The following CAP2 variants were observed in gnomAD, a reference collection of about 807,000 sequenced individuals.
The protein encoded by CAP2 is adenylyl cyclase-associated protein 2.
Under a neutral mutation model 57.7 loss-of-function variants are expected in CAP2, and 24 were observed. That is an observed-to-expected ratio of 0.42 (90% CI 0.30 to 0.58). The LOEUF is 0.58. Ranked by LOEUF, CAP2 falls within the 20% of genes least tolerant of loss-of-function variation. The pLI is 0.22. For missense variants in CAP2, 501 were observed against 590.3 expected (o/e 0.85, Z 1.57); for synonymous variants, 194 against 207.2 (o/e 0.94, Z 0.55).
chr6:17,463,138 A>G lies in CAP2; in HGVS notation c.300+65A>G. 2.7e-6 allele frequency: 3 copies of G among 1,113,428 alleles called. 1 individual carries two copies. The highest frequency in any genetic ancestry group is 4.1e-6 in the Non-Finnish European group (3 of 731,744). The allele number at this position is 1,113,428 out of a possible 1,614,324, so 69.0% of individuals were successfully genotyped here. The stretch of plus-strand genomic sequence containing the variant: ...GCGCAGTGTAAGATGGAAAACAAGG[A>G]GGCAACAGAAGCATTTATTATAGTC... On this transcript the variant is annotated intron_variant, in intron 4 of 12. Coordinates refer to ENST00000229922, the MANE Select transcript of CAP2 (RefSeq NM_006366.3).
chr6:17,515,196 C>CAA (rs1369925215), intron 7 of CAP2, among the ~76,000 whole-genome samples: 7 of 98,292 alleles, frequency 7.1e-5, no homozygotes, highest in African/African-American at 2.0e-4. Flanking sequence ...GACTCTGTCT[C>CAA]AAAAAAAAAA....
chr6:17,487,626 C>T (rs747096610), intron 4 of CAP2, among the ~76,000 whole-genome samples: 3 of 152,160 alleles, frequency 2.0e-5, no homozygotes, highest in Non-Finnish European at 4.4e-5. Context: ...CCCGCCACCA[C>T]GCCCGGCTAA....
At chr6:17,424,051 TACG>T (rs1759514379) in intron 2 of CAP2, among the ~76,000 whole-genome samples, 2 of 152,196 alleles carry the variant, frequency 1.3e-5, no homozygotes, top group African/African-American at 4.8e-5. Flanking sequence ...TAAACATCAT[TACG>T]ACAATGTTAT....
intron 2 of CAP2, among the ~76,000 whole-genome samples, chr6:17,423,121 T>TG (rs1759490205): frequency 6.6e-6 from 1 of 152,164 alleles, no homozygotes; most frequent in South Asian, 2.1e-4. Context: ...AGAAAAGCCG[T>TG]GGGGAAGAAG....
chr6:17,493,767 G>A (rs1395802721), intron 4 of CAP2, among the ~76,000 whole-genome samples: 1 of 144,278 alleles, frequency 6.9e-6, no homozygotes, highest in Non-Finnish European at 1.5e-5. Flanking sequence ...ACTGAGCTGA[G>A]GAGGGGGCAA....
intron 4 of CAP2, among the ~76,000 whole-genome samples, chr6:17,489,872 A>G (rs1375990263): frequency 6.6e-6 from 1 of 151,846 alleles, no homozygotes; most frequent in African/African-American, 2.4e-5. Flanking sequence ...CCAGATCTTG[A>G]GTTCTCCACT....
intron 8 of CAP2, among the ~76,000 whole-genome samples, chr6:17,539,792 A>T: frequency 6.6e-6 from 1 of 152,168 alleles, no homozygotes; most frequent in East Asian, 1.9e-4. Flanking sequence ...AAAAATAAAA[A>T]TGGCAGGCTG....
intron 7 of CAP2, chr6:17,536,112 C>T (rs945309014): frequency 4.3e-5 from 19 of 437,334 alleles, no homozygotes; most frequent in South Asian, 1.2e-4. Flanking sequence ...TGTGAGCCTC[C>T]GCGCCCAGCC....
At chr6:17,495,547 T>C (rs1192636532) in intron 4 of CAP2, among the ~76,000 whole-genome samples, 1 of 152,120 alleles carries the variant, frequency 6.6e-6, no homozygotes, top group Non-Finnish European at 1.5e-5. Context: ...TTGGGGTCAA[T>C]GTCAAAATCC....
intron 3 of CAP2, among the ~76,000 whole-genome samples, chr6:17,447,310 G>A (rs377501781): frequency 6.6e-6 from 1 of 152,064 alleles, no homozygotes; most frequent in Non-Finnish European, 1.5e-5. Context: ...TTGAGCCATC[G>A]TGACTGGCCC....
intron 7 of CAP2, among the ~76,000 whole-genome samples, chr6:17,537,295 T>C (rs1037056158): frequency 1.3e-5 from 2 of 152,074 alleles, no homozygotes; most frequent in Non-Finnish European, 2.9e-5. Context: ...TAGGTGATCC[T>C]CCCACCTCAG....
intron 1 of CAP2, among the ~76,000 whole-genome samples, chr6:17,400,459 G>A (rs1758781157): frequency 6.6e-6 from 1 of 152,186 alleles, no homozygotes; most frequent in Non-Finnish European, 1.5e-5. Flanking sequence ...AAGGAAGATA[G>A]AATGAATAGA....
chr6:17,410,026 T>C (rs1280077126), intron 1 of CAP2, among the ~76,000 whole-genome samples: 1 of 152,238 alleles, frequency 6.6e-6, no homozygotes, highest in Non-Finnish European at 1.5e-5. Flanking sequence ...CAATATTTAC[T>C]CGTCATTCAT....
chr6:17,421,614 C>T lies in CAP2; in HGVS notation c.59C>T (p.Ser20Leu), dbSNP rs764904918. The T allele has an allele frequency of 1.1e-5, 18 of 1,613,876 alleles. No individual in the cohort carries two copies. The South Asian group carries it at 1.4e-4, about 13-fold the overall frequency. Residue 20 changes from serine (S) to leucine (L), a missense_variant, in exon 2 of 13, where the codon TCG (serine) becomes TTG (leucine). Physicochemically the swap from Ser to Leu is moderately radical, Grantham distance 145. Transcript: ENST00000229922. ...RLERAVSRLE[S>L]LSAESHRPPG... is the part of the protein sequence containing the mutation. Reference sequence around the variant, plus strand: ...GAACGAGCTGTCAGCCGCCTGGAGTCGCTGTCTGCAGAGTCCCACAGGCCC... The same window carrying T: ...GAACGAGCTGTCAGCCGCCTGGAGTTGCTGTCTGCAGAGTCCCACAGGCCC...
chr6:17,482,553 C>G (rs1761319710), intron 4 of CAP2, among the ~76,000 whole-genome samples: 1 of 147,022 alleles, frequency 6.8e-6, no homozygotes, highest in Non-Finnish European at 1.5e-5. Context: ...TAGGCATGGG[C>G]AAGGCCACGC....
intron 7 of CAP2, 132 bp from the exon 8 acceptor site, chr6:17,539,137 T>C (rs1762841045): frequency 1.3e-6 from 1 of 756,808 alleles, no homozygotes; most frequent in East Asian, 2.5e-5. Flanking sequence ...TGCACAGGTG[T>C]GCCCTCTGGG....
At chr6:17,451,013 AT>A (rs1217173147) in intron 3 of CAP2, among the ~76,000 whole-genome samples, 1 of 152,096 alleles carries the variant, frequency 6.6e-6, no homozygotes, top group Non-Finnish European at 1.5e-5. Context: ...GGAGTGTGAC[AT>A]TACTGCTTCC....
At position 17,513,929 on chromosome 6, in the gene CAP2, C is replaced by T. The variant is rs1487079775; in HGVS notation, c.611C>T (p.Thr204Ile). ...ELQAYIKEHH[T>I]TGLTWSKTGP... ...CAAGCATACATCAAGGAACACCACA[C>T]CACGGGCCTCACATGGAGCAAAACA... is the stretch of plus-strand genomic sequence containing the variant. Residue 204 changes from threonine to isoleucine, a missense_variant, in exon 7 of 13, where the codon ACC becomes ATC. Coordinates refer to ENST00000229922, the MANE Select transcript of CAP2 (RefSeq NM_006366.3). This position sits in a 1 kb window ranked among gnomAD's most constrained non-coding sequence, Gnocchi z 4.3. 2 of 1,612,520 alleles carry T rather than the reference C, an allele frequency of 1.2e-6. No homozygotes were observed. The highest frequency in any genetic ancestry group is 1.1e-5 in the South Asian group (1 of 91,048).
intron 1 of CAP2, among the ~76,000 whole-genome samples, chr6:17,395,275 A>C (rs188433922): frequency 5.1e-4 from 78 of 152,332 alleles, no homozygotes; most frequent in African/African-American, 1.9e-3. Flanking sequence ...TCTCCTTAGC[A>C]ACTACTCAGT....
Sources: gnomAD v4.1 joint callset for allele counts (sites outside exome capture counted in the v4.1 genomes callset) on GRCh38, gnomAD v4.1.1 for gene constraint, Gnocchi (gnomAD v3.1) non-coding constraint, MANE v1.5 for transcripts, NCBI Gene and HGNC (gene_info 2026-07-23, HGNC 2026-07-21) for gene names.